The following GLS variants were observed in gnomAD, a reference collection of about 807,000 sequenced individuals.
GLS encodes glutaminase kidney isoform, mitochondrial.
In GLS, 36 loss-of-function variants were observed where a neutral mutation model predicts 86.7. The ratio of observed to expected loss-of-function variants is 0.42; its 90% CI spans 0.32 to 0.55. The LOEUF is 0.55. Ranked by LOEUF, GLS falls within the 20% of genes least tolerant of loss-of-function variation. GLS has a pLI of 0.17. For missense variants in GLS, 528 were observed against 833.4 expected (o/e 0.63, Z 4.51); for synonymous variants, 317 against 305.9 (o/e 1.04, Z -0.38).
chr2:190,941,435 C>T (rs960147610), intron 14 of GLS, among the ~76,000 whole-genome samples: 2 of 151,996 alleles, frequency 1.3e-5, no homozygotes, highest in East Asian at 1.9e-4. Flanking sequence ...AGCTTACTGC[C>T]AGGAGGGAAT....
intron 14 of GLS, among the ~76,000 whole-genome samples, chr2:190,948,921 C>G (rs1407010014): frequency 6.6e-6 from 1 of 152,158 alleles, no homozygotes; most frequent in African/African-American, 2.4e-5. Flanking sequence ...CTAATTGACT[C>G]TGTCCCTAGC....
At chr2:190,888,468 A>G (rs1476139521) in intron 1 of GLS, among the ~76,000 whole-genome samples, 1 of 152,198 alleles carries the variant, frequency 6.6e-6, no homozygotes, top group Non-Finnish European at 1.5e-5. Flanking sequence ...ATTATACTGC[A>G]CTGTAATACA....
intron 1 of GLS, among the ~76,000 whole-genome samples, chr2:190,891,478 A>G (rs932018002): frequency 6.6e-6 from 1 of 152,130 alleles, no homozygotes; most frequent in African/African-American, 2.4e-5. Context: ...TAAAAAAAAA[A>G]AAGATGAGAT....
chr2:190,902,275 T>A (rs1010471169), intron 5 of GLS, among the ~76,000 whole-genome samples: 3 of 152,208 alleles, frequency 2.0e-5, no homozygotes, highest in Admixed American at 6.5e-5. Context: ...TTCAAATACC[T>A]GCAGTTACCA....
chr2:190,961,661 G>A (rs1317397256), intron 17 of GLS, among the ~76,000 whole-genome samples: 1 of 148,810 alleles, frequency 6.7e-6, no homozygotes, highest in Non-Finnish European at 1.5e-5. Flanking sequence ...AACTAATGAA[G>A]GCCTATTCAA....
chr2:190,910,882 T>C (rs1689335379), intron 7 of GLS, among the ~76,000 whole-genome samples: 1 of 150,852 alleles, frequency 6.6e-6, no homozygotes, highest in African/African-American at 2.4e-5. Flanking sequence ...ATAAGGCTTA[T>C]TCCAATTATG....
chr2:190,939,521 CA>C (rs939831965), intron 14 of GLS, among the ~76,000 whole-genome samples: 4 of 151,650 alleles, frequency 2.6e-5, no homozygotes, highest in African/African-American at 9.7e-5. Flanking sequence ...ATCAGTTACA[CA>C]AATGTAACTA....
intron 14 of GLS, chr2:190,932,688 A>G: frequency 1.9e-6 from 3 of 1,547,006 alleles, no homozygotes; most frequent in Non-Finnish European, 2.6e-6. Context: ...GTGCACTAAT[A>G]AATTATGTAT....
chr2:190,933,971 A>G, intron 14 of GLS: 1 of 929,418 alleles, frequency 1.1e-6, no homozygotes. Context: ...AGAGAACTAT[A>G]GATTCTACAC....
Position 190,924,525 on chromosome 2 carries a change from C to T in GLS, c.1198-18C>T, listed in dbSNP as rs751902262. On this transcript the variant is annotated intron_variant, in intron 10 of 17. Coordinates refer to ENST00000320717, the MANE Select transcript of GLS (RefSeq NM_014905.5). This position sits in a 1 kb window ranked among gnomAD's most constrained non-coding sequence, Gnocchi z 5.2. ...TCCTGTGTGCCTGAATTTTTAATTG[C>T]CTTTCTGGTTTTTTTAGTGTTTTCC... The T allele has an allele frequency of 6.7e-5, 100 of 1,500,964 alleles. No homozygotes were observed. Among genetic ancestry groups the T allele is most frequent in the Non-Finnish European group, 8.6e-5 (93 of 1,077,396 alleles). The allele number at this position is 1,500,964 out of a possible 1,614,324, so 93.0% of individuals were successfully genotyped here. A position where few individuals can be genotyped will look rare whatever the true frequency, so the allele number is the denominator to read the frequency against.
In GLS at chr2:190,913,209, C is replaced by T. The variant is rs1689419541; in HGVS notation, c.1038+2888C>T. On this transcript the variant is annotated intron_variant, in intron 7 of 17. Transcript: ENST00000320717. The surrounding 1 kb of genome is among the most constrained non-coding windows in gnomAD (Gnocchi z 6.1). ...TCCTTGTAGGATTGGTGGTGATCCTCAGGAAATGGGGGAAGAGGCAGAGCA... is the reference window on the plus strand; with the variant it reads ...TCCTTGTAGGATTGGTGGTGATCCTTAGGAAATGGGGGAAGAGGCAGAGCA... 7.7e-7 allele frequency: 1 copy of T among 1,299,494 alleles called. No homozygotes were observed. The highest frequency in any genetic ancestry group is 1.0e-6 in the Non-Finnish European group (1 of 984,934). The allele number at this position is 1,299,494 out of a possible 1,614,324, so 80.5% of individuals were successfully genotyped here. A position where few individuals can be genotyped will look rare whatever the true frequency, so the allele number is the denominator to read the frequency against.
In GLS at chr2:190,938,352, T is replaced by C. The variant is rs1690334198; in HGVS notation, c.1650+6715T>C. Among the ~76,000 whole-genome samples the C allele has an allele frequency of 6.6e-6, 1 of 151,574 alleles. No individual in the cohort carries two copies. Among genetic ancestry groups the C allele is most frequent in the Non-Finnish European group, 1.5e-5 (1 of 67,538 alleles). On this transcript the variant is annotated intron_variant, in intron 14 of 17. Transcript: ENST00000320717. The surrounding 1 kb of genome is among the most constrained non-coding windows in gnomAD (Gnocchi z 4.1). ...ATGTTTCTGGTGATTTATGTTTATA[T>C]AATGAAAATCTCCTCTGCACAGCAA...
chr2:190,900,430 AATTTAT>A (rs1248103320), intron 3 of GLS, 128 bp from the exon 4 acceptor site: 1 of 462,600 alleles, frequency 2.2e-6, no homozygotes, highest in African/African-American at 2.0e-5. Context: ...TAGAAAGCAT[AATTTAT>A]AGAATTTAGT....
chr2:190,922,115 G>A (rs577613578), intron 9 of GLS, among the ~76,000 whole-genome samples: 1 of 152,054 alleles, frequency 6.6e-6, no homozygotes, highest in Non-Finnish European at 1.5e-5. Context: ...GTACCATACG[G>A]TCTGTGTTGT....
chr2:190,904,934 A>T, intron 5 of GLS, 70 bp from the exon 6 acceptor site: 1 of 883,194 alleles, frequency 1.1e-6, no homozygotes, highest in South Asian at 1.5e-5. Context: ...TGTAAAAAGA[A>T]TAATTCCAAC....
Position 190,962,815 on chromosome 2 carries a change from G to A in GLS, c.1854-15G>A, listed in dbSNP as rs377523883. 3.4e-6 allele frequency: 5 copies of A among 1,486,204 alleles called. No homozygotes were observed. Among genetic ancestry groups the A allele is most frequent in the Admixed American group, 4.9e-5 (2 of 40,896 alleles). The allele number at this position is 1,486,204 out of a possible 1,614,324, so 92.1% of individuals were successfully genotyped here. A position where few individuals can be genotyped will look rare whatever the true frequency, so the allele number is the denominator to read the frequency against. ...ATTACCTAATGACCCTGTCCATGCT[G>A]TGCTACGTGTTTAGGTGGAATAACA... On this transcript the variant is annotated splice_polypyrimidine_tract_variant and intron_variant, in intron 17 of 17. Coordinates refer to ENST00000320717, the MANE Select transcript of GLS (RefSeq NM_014905.5). The surrounding 1 kb of genome is among the most constrained non-coding windows in gnomAD (Gnocchi z 4.2).
Position 190,880,906 on chromosome 2 carries a change from G to C in GLS, c.-179G>C. The C allele has an allele frequency of 1.1e-6, 1 of 930,878 alleles. No individual in the cohort carries two copies. Among genetic ancestry groups the C allele is most frequent in the South Asian group, 1.4e-5 (1 of 70,758 alleles). The allele number at this position is 930,878 out of a possible 1,614,324, so 57.7% of individuals were successfully genotyped here. On this transcript the variant is annotated 5_prime_UTR_variant, in exon 1 of 18. Coordinates refer to ENST00000320717, the MANE Select transcript of GLS (RefSeq NM_014905.5). ...AGCAGCAGCAGCAGCAGCAGCAGCA[G>C]CAGCAGCAGCAGCACCCGCATCCGC... is the stretch of plus-strand genomic sequence containing the variant.
chr2:190,939,994 A>G (rs957511366), intron 14 of GLS, among the ~76,000 whole-genome samples: 1 of 151,792 alleles, frequency 6.6e-6, no homozygotes, highest in African/African-American at 2.4e-5. Flanking sequence ...GTTACTCAGG[A>G]AATGGGTTTT....
intron 14 of GLS, chr2:190,934,342 C>T (rs1339277404): frequency 2.1e-6 from 2 of 964,796 alleles, no homozygotes. Context: ...AAAGAAATTC[C>T]CTTCTAGAGG....
Sources: allele counts gnomAD v4.1 joint callset (sites outside exome capture counted in the v4.1 genomes callset), GRCh38; gene constraint gnomAD v4.1.1; non-coding constraint Gnocchi (gnomAD v3.1); transcripts MANE v1.5; gene names NCBI Gene and HGNC (gene_info 2026-07-23, HGNC 2026-07-21).